The following NCAPH variants were observed in gnomAD, a reference collection of about 807,000 sequenced individuals.
NCAPH encodes the protein condensin complex subunit 2.
A neutral mutation model predicts 85.5 loss-of-function variants in NCAPH; 38 were observed. The ratio of observed to expected loss-of-function variants is 0.44; its 90% CI spans 0.34 to 0.58. The LOEUF (loss-of-function observed/expected upper bound fraction) is 0.58, where lower values mean the gene tolerates loss of function less well. Ranked by LOEUF, NCAPH falls within the 20% of genes least tolerant of loss-of-function variation. The probability of loss-of-function intolerance (pLI) is 0.01; values close to 1 mark genes in which losing one functional copy is unlikely to be tolerated. For synonymous variants in NCAPH, 301 were observed against 335.1 expected (o/e 0.90, Z 1.11); for missense variants, 789 against 916.6 (o/e 0.86, Z 1.80).
intron 12 of NCAPH, among the ~76,000 whole-genome samples, chr2:96,363,584 A>T (rs1224076236): frequency 6.6e-6 from 1 of 152,194 alleles, no homozygotes; most frequent in African/African-American, 2.4e-5. Context: ...CATTTCTCCT[A>T]CTTCAGAGAT....
Position 96,359,116 on chromosome 2 carries a change from A to T in NCAPH, c.1280A>T (p.Glu427Val). ...CCCCTTCTGTCTATGAAACCTGGAG[A>T]ATATTCTTATTTCAGTCCTCGGACC... is the stretch of plus-strand genomic sequence containing the variant. ...MCPLLSMKPG[E>V]YSYFSPRTMS... Residue 427 changes from glutamate to valine, a missense_variant, in exon 10 of 18, where the codon GAA becomes GTA. Glu to Val is a moderately radical substitution (Grantham distance 121). Coordinates refer to ENST00000240423, the MANE Select transcript of NCAPH (RefSeq NM_015341.5). The T allele has an allele frequency of 6.2e-7, 1 of 1,614,096 alleles. No homozygotes were observed. Among genetic ancestry groups the T allele is most frequent in the South Asian group, 1.1e-5 (1 of 91,078 alleles).
chr2:96,339,154 C>T (rs1440589079), intron 1 of NCAPH, among the ~76,000 whole-genome samples: 1 of 152,230 alleles, frequency 6.6e-6, no homozygotes, highest in African/African-American at 2.4e-5. Context: ...TTTGTGACAG[C>T]AGCCATAGAA....
At chr2:96,345,374 C>A (rs2064349033) in intron 6 of NCAPH, among the ~76,000 whole-genome samples, 1 of 152,164 alleles carries the variant, frequency 6.6e-6, no homozygotes, top group Non-Finnish European at 1.5e-5. Flanking sequence ...GGAACGGGGG[C>A]ATGCTGGCTG....
chr2:96,338,504 C>T (rs139868808), intron 1 of NCAPH, among the ~76,000 whole-genome samples: 12 of 152,310 alleles, frequency 7.9e-5, no homozygotes, highest in African/African-American at 2.9e-4. Context: ...AATATGTTAT[C>T]TTACGTGGTG....
intron 6 of NCAPH, among the ~76,000 whole-genome samples, chr2:96,345,984 A>G (rs1177904835): frequency 6.6e-6 from 1 of 152,194 alleles, no homozygotes; most frequent in African/African-American, 2.4e-5. Context: ...AGTAAGGCCA[A>G]GAGTTTTGAT....
Position 96,374,785 on chromosome 2 carries a change from G to T in NCAPH, c.*1434G>T, listed in dbSNP as rs892499868. On this transcript the variant is annotated 3_prime_UTR_variant, in exon 18 of 18. Transcript: ENST00000240423. ...AGCCTCCATCACTTTCCCAGGCCAG[G>T]TTAGTGCTGGGCTTCTTGCTTTCCT... 6.6e-6 allele frequency among the ~76,000 whole-genome samples: 1 copy of T among 152,186 alleles called. No individual in the cohort carries two copies. The highest frequency in any genetic ancestry group is 1.5e-5 in the Non-Finnish European group (1 of 68,026).
At chr2:96,349,250 A>G (rs2064403738) in intron 6 of NCAPH, among the ~76,000 whole-genome samples, 1 of 152,226 alleles carries the variant, frequency 6.6e-6, no homozygotes, top group Non-Finnish European at 1.5e-5. Flanking sequence ...AAATACTCCA[A>G]TCCTGGAAAG....
chr2:96,364,967 T>G (rs909404691), intron 13 of NCAPH, among the ~76,000 whole-genome samples: 3 of 152,174 alleles, frequency 2.0e-5, no homozygotes, highest in African/African-American at 4.8e-5. Context: ...GACAACCAGA[T>G]CACACCATAT....
chr2:96,351,804 T>A, intron 6 of NCAPH, 27 bp from the exon 7 acceptor site: 3 of 1,553,742 alleles, frequency 1.9e-6, no homozygotes, highest in Non-Finnish European at 2.6e-6. Flanking sequence ...GCCGTAAATC[T>A]TCAGTTTCTT....
rs2064593618 is a variant in NCAPH, at chr2:96,360,637, C to T, written c.1514C>T (p.Ala505Val). ...KSTLENQNWRATTLPTDFNYN... is the reference protein window; with the variant it reads ...KSTLENQNWRVTTLPTDFNYN... ...ACTTTGGAGAACCAGAATTGGAGAG[C>T]TACCACCCTTCCTACAGATTTCAAC... The change falls in exon 12 of 18, where the codon GCT becomes GTT. Residue 505 changes from alanine (A) to valine (V), a missense_variant. By Grantham distance (64) the Ala-to-Val change is moderately conservative. Transcript: ENST00000240423. The T allele has an allele frequency of 6.2e-7, 1 of 1,614,076 alleles. No homozygotes were observed. The highest frequency in any genetic ancestry group is 1.7e-5 in the Admixed American group (1 of 60,028).
At chr2:96,354,123 A>G in intron 8 of NCAPH, 60 bp from the exon 9 acceptor site, 1 of 1,506,148 alleles carries the variant, frequency 6.6e-7, no homozygotes, top group Non-Finnish European at 9.1e-7. Context: ...CTGTCCCTCC[A>G]GTGGTGATTT....
intron 12 of NCAPH, among the ~76,000 whole-genome samples, chr2:96,361,817 T>C (rs1211699911): frequency 1.3e-5 from 1 of 76,178 alleles, no homozygotes; most frequent in Non-Finnish European, 3.1e-5. Context: ...TATATATATA[T>C]ATATATATAT....
At chr2:96,351,742 T>C (rs1396904950) in intron 6 of NCAPH, 89 bp from the exon 7 acceptor site, 3 of 1,137,726 alleles carry the variant, frequency 2.6e-6, no homozygotes, top group Non-Finnish European at 3.7e-6. Context: ...TGTATATACC[T>C]GCTAATGAGT....
At chr2:96,348,050 G>C (rs977134555) in intron 6 of NCAPH, among the ~76,000 whole-genome samples, 2 of 152,162 alleles carry the variant, frequency 1.3e-5, no homozygotes, top group Non-Finnish European at 2.9e-5. Flanking sequence ...AGACCTTGAC[G>C]TAGGCCGGGT....
intron 1 of NCAPH, among the ~76,000 whole-genome samples, chr2:96,336,471 A>G (rs2064216179): frequency 6.6e-6 from 1 of 152,202 alleles, no homozygotes; most frequent in South Asian, 2.1e-4. Context: ...AACGTGTTTC[A>G]GGCAGAAGGA....
At position 96,367,296 on chromosome 2, in the gene NCAPH, A is replaced by G. The variant is rs2064713637; in HGVS notation, c.1921A>G (p.Lys641Glu). 2 of 1,613,476 alleles carry G rather than the reference A, an allele frequency of 1.2e-6. No homozygotes were observed. The highest frequency in any genetic ancestry group is 1.7e-6 in the Non-Finnish European group (2 of 1,179,598). The change falls in exon 15 of 18, where the codon AAG (lysine) becomes GAG (glutamate). Residue 641 changes from lysine to glutamate, a missense_variant. Lys to Glu is a moderately conservative substitution (Grantham distance 56). Transcript: ENST00000240423. ...AATTCACTATGCCAAGACTGCCAAA[A>G]AGATGGACATGAAGAAACTGAAGCA... ...IEIHYAKTAK[K>E]MDMKKLKQSM...
chr2:96,340,345 C>T (rs914743756), intron 1 of NCAPH, among the ~76,000 whole-genome samples: 16 of 150,988 alleles, frequency 1.1e-4, no homozygotes, highest in African/African-American at 3.9e-4. Context: ...AGATACCCAC[C>T]TATCTAACCC....
At chr2:96,345,143 G>T (rs1333448074) in intron 6 of NCAPH, among the ~76,000 whole-genome samples, 1 of 152,238 alleles carries the variant, frequency 6.6e-6, no homozygotes, top group East Asian at 1.9e-4. Context: ...AAAACATCCA[G>T]TAGGTAGGAG....
intron 15 of NCAPH, among the ~76,000 whole-genome samples, chr2:96,367,820 A>T (rs1215102874): frequency 2.0e-5 from 3 of 152,246 alleles, no homozygotes; most frequent in Non-Finnish European, 2.9e-5. Context: ...AACAATCTTG[A>T]TGCTACTTTA....
Sources: allele counts gnomAD v4.1 joint callset (sites outside exome capture counted in the v4.1 genomes callset), GRCh38; gene constraint gnomAD v4.1.1; transcripts MANE v1.5; gene names NCBI Gene and HGNC (gene_info 2026-07-23, HGNC 2026-07-21).